PCDHGB2: variants seen among roughly 807,000 people sequenced by gnomAD.
PCDHGB2 encodes the protein protocadherin gamma-B2.
PCDHGB2 carries 55 observed loss-of-function variants against 59.3 expected under a neutral mutation model. The observed-to-expected ratio is 0.93, with a 90% confidence interval of 0.75 to 1.16. The LOEUF (loss-of-function observed/expected upper bound fraction) is 1.16. Among genes scored for constraint, PCDHGB2 ranks in the 50% most tolerant of loss-of-function variants. PCDHGB2 has a pLI of 0.00. For synonymous variants in PCDHGB2, 516 were observed against 512.0 expected (o/e 1.01, Z -0.11); for missense variants, 1,228 against 1,198.5 (o/e 1.02, Z -0.36).
chr5:141,370,833 C>G (rs1305609320), intron 1 of PCDHGB2: 2 of 1,614,064 alleles, frequency 1.2e-6, no homozygotes. Context: ...CGAACTGGCT[C>G]TCACTGGAGC....
intron 2 of PCDHGB2, among the ~76,000 whole-genome samples, chr5:141,502,352 C>G (rs544911376): frequency 3.2e-4 from 49 of 151,888 alleles, no homozygotes; most frequent in African/African-American, 1.2e-3. Flanking sequence ...TTTTTAATGA[C>G]ATGGATATTT....
intron 1 of PCDHGB2, among the ~76,000 whole-genome samples, chr5:141,473,343 T>C (rs1309426537): frequency 6.6e-6 from 1 of 152,218 alleles, no homozygotes; most frequent in Non-Finnish European, 1.5e-5. Flanking sequence ...TGCTAGACAG[T>C]GAGGATGCAA....
intron 1 of PCDHGB2, chr5:141,405,047 G>C: frequency 1.2e-6 from 2 of 1,613,944 alleles, no homozygotes; most frequent in Non-Finnish European, 1.7e-6. Flanking sequence ...GGCTGTGGCA[G>C]TCGTCTCCTG....
chr5:141,507,397 AC>A (rs1163501030), intron 3 of PCDHGB2: 1 of 152,144 alleles, frequency 6.6e-6, no homozygotes. Flanking sequence ...TGGCAACTCT[AC>A]CCCAGATGTC....
intron 1 of PCDHGB2, chr5:141,389,762 A>C (rs778570717): frequency 1.2e-6 from 2 of 1,612,968 alleles, no homozygotes; most frequent in Non-Finnish European, 1.7e-6. Flanking sequence ...AAGTGCGCAC[A>C]GCGCGTGCCT....
intron 1 of PCDHGB2, chr5:141,420,364 ACTT>A (rs746817317): frequency 1.3e-4 from 174 of 1,368,558 alleles, no homozygotes; most frequent in Non-Finnish European, 1.6e-4. Context: ...ATTCTAGATA[ACTT>A]CTTCATAGAG....
At chr5:141,462,019 C>T (rs1276421563) in intron 1 of PCDHGB2, among the ~76,000 whole-genome samples, 6 of 152,178 alleles carry the variant, frequency 3.9e-5, no homozygotes, top group Non-Finnish European at 8.8e-5. Flanking sequence ...GACGGGGTTT[C>T]TTCATGTTGG....
intron 1 of PCDHGB2, chr5:141,394,727 C>G (rs971156422): frequency 8.7e-6 from 14 of 1,613,436 alleles, no homozygotes; most frequent in Middle Eastern, 1.6e-4. Flanking sequence ...GAGATGCGCT[C>G]AAGCAGAGCC....
chr5:141,381,768 C>T (rs1777418616), intron 1 of PCDHGB2, among the ~76,000 whole-genome samples: 1 of 150,172 alleles, frequency 6.7e-6, no homozygotes, highest in Non-Finnish European at 1.5e-5. Context: ...ACTATATAAT[C>T]AATAATCAGG....
At chr5:141,421,119 C>A (rs542039688) in intron 1 of PCDHGB2, 2 of 772,768 alleles carry the variant, frequency 2.6e-6, no homozygotes, top group South Asian at 1.9e-5. Flanking sequence ...TATTTTCCTT[C>A]GCTTTCTGAT....
Position 141,489,427 on chromosome 5 carries a change from C to A in PCDHGB2, c.2422-5380C>A. ...AAAGATGACAGATCTGTTGAGCCGG[C>A]GGCTGCAATTGGGCTCTGAGGAGAA... On this transcript the variant is annotated intron_variant, in intron 1 of 3. Coordinates refer to ENST00000522605, the MANE Select transcript of PCDHGB2 (RefSeq NM_018923.3). This position sits in a 1 kb window ranked among gnomAD's most constrained non-coding sequence, Gnocchi z 4.5. The A allele has an allele frequency of 6.2e-7, 1 of 1,614,108 alleles. No individual in the cohort carries two copies. The highest frequency in any genetic ancestry group is 1.1e-5 in the South Asian group (1 of 91,086).
intron 1 of PCDHGB2, chr5:141,405,107 T>A: frequency 6.2e-7 from 1 of 1,613,998 alleles, no homozygotes; most frequent in African/African-American, 1.3e-5. Flanking sequence ...GCTGAGGCAC[T>A]GGCACTCCTC....
chr5:141,495,470 C>A (rs2099761615), intron 2 of PCDHGB2, among the ~76,000 whole-genome samples: 1 of 152,196 alleles, frequency 6.6e-6, no homozygotes, highest in African/African-American at 2.4e-5. Flanking sequence ...GTGGGGTCTC[C>A]GTGTCTCTGC....
At chr5:141,381,826 C>CTTTTTTTTTTTTT (rs770630741) in intron 1 of PCDHGB2, among the ~76,000 whole-genome samples, 10 of 74,294 alleles carry the variant, frequency 1.3e-4, no homozygotes, top group Non-Finnish European at 1.9e-4. Context: ...CTTTCTTCTT[C>CTTTTTTTTTTTTT]TTTTTTTTTT....
intron 2 of PCDHGB2, among the ~76,000 whole-genome samples, chr5:141,500,779 T>C (rs1222392685): frequency 1.3e-5 from 2 of 152,238 alleles, no homozygotes; most frequent in Non-Finnish European, 2.9e-5. Context: ...TGAATATACA[T>C]ATTATTTTAC....
At position 141,366,621 on chromosome 5, in the gene PCDHGB2, G is replaced by A. The variant is rs773330182; in HGVS notation, c.2421+4065G>A. 5.6e-6 allele frequency: 9 copies of A among 1,614,110 alleles called. No individual in the cohort carries two copies. The African/African-American group carries it at 8.0e-5, about 14-fold the overall frequency. On this transcript the variant is annotated intron_variant, in intron 1 of 3. Transcript: ENST00000522605. ...GAGGTCTCCCTCACCGCGGACTCGA[G>A]GAAGAGTCACCTGATCTTTCCCCAG...
At chr5:141,474,345 G>A (rs541613646) in intron 1 of PCDHGB2, among the ~76,000 whole-genome samples, 7 of 152,124 alleles carry the variant, frequency 4.6e-5, no homozygotes, top group African/African-American at 7.2e-5. Flanking sequence ...TTGTTAAAAT[G>A]TAAGTCATGT....
At position 141,371,642 on chromosome 5, in the gene PCDHGB2, A is replaced by G. The variant is rs774578258; in HGVS notation, c.2421+9086A>G. 5.0e-6 allele frequency: 8 copies of G among 1,613,946 alleles called. No individual in the cohort carries two copies. In the Admixed American group the frequency reaches 5.0e-5, roughly 10 times the overall value. ...GAGCCCTGGACCGGGAGCAGATCCC[A>G]GAATACAATGTGACGATCACAGCTA... On this transcript the variant is annotated intron_variant, in intron 1 of 3. Coordinates refer to ENST00000522605, the MANE Select transcript of PCDHGB2 (RefSeq NM_018923.3).
chr5:141,404,886 C>T (rs1248535405), intron 1 of PCDHGB2: 2 of 1,613,906 alleles, frequency 1.2e-6, no homozygotes, highest in South Asian at 1.1e-5. Context: ...CTTGTGGTGG[C>T]TGTACAGGAC....
Sources: gnomAD v4.1 joint callset for allele counts (sites outside exome capture counted in the v4.1 genomes callset) on GRCh38, gnomAD v4.1.1 for gene constraint, Gnocchi (gnomAD v3.1) non-coding constraint, MANE v1.5 for transcripts, NCBI Gene and HGNC (gene_info 2026-07-23, HGNC 2026-07-21) for gene names.